KIRREL1: variants seen among roughly 807,000 people sequenced by gnomAD.
KIRREL1 encodes kirre like nephrin family adhesion molecule 1, also known as kin of IRRE-like protein 1.
Under a neutral mutation model 83.3 loss-of-function variants are expected in KIRREL1, and 25 were observed. That is an observed-to-expected ratio of 0.30 (90% CI 0.22 to 0.42). The LOEUF is 0.42. KIRREL1 is among the 10% of genes least tolerant of loss of function. The pLI is 1.00. For missense variants in KIRREL1, 812 were observed against 1,032.3 expected (o/e 0.79, Z 2.92); for synonymous variants, 388 against 410.4 (o/e 0.95, Z 0.66).
intron 1 of KIRREL1, among the ~76,000 whole-genome samples, chr1:158,003,126 AG>A (rs1659413944): frequency 6.6e-6 from 1 of 152,222 alleles, no homozygotes; most frequent in Non-Finnish European, 1.5e-5. Flanking sequence ...TCCCAGGAAC[AG>A]CCCGGGGCCT....
chr1:158,066,423 T>C (rs1443585523), intron 1 of KIRREL1, among the ~76,000 whole-genome samples: 1 of 152,226 alleles, frequency 6.6e-6, no homozygotes, highest in Admixed American at 6.5e-5. Context: ...TGCTTACTTT[T>C]CCCACAACTA....
In KIRREL1 at chr1:158,094,231, C is replaced by A. The variant is rs756679415; in HGVS notation, c.1720-82C>A. On this transcript the variant is annotated intron_variant, in intron 13 of 14. Coordinates refer to ENST00000359209, the MANE Select transcript of KIRREL1 (RefSeq NM_018240.7). The surrounding 1 kb of genome is among the most constrained non-coding windows in gnomAD (Gnocchi z 4.6). ...CAGACCCCACCCATGAGCAGGTGGC[C>A]TCTGAGCGTGGGGAGGGGTTGGTGA... 21 of 1,204,116 alleles carry A rather than the reference C, an allele frequency of 1.7e-5. No homozygotes were observed. Among genetic ancestry groups the A allele is most frequent in the Non-Finnish European group, 2.5e-5 (21 of 829,446 alleles). 74.6% of individuals were successfully genotyped at this position (1,204,116 alleles called of 1,614,324 possible).
intron 1 of KIRREL1, among the ~76,000 whole-genome samples, chr1:158,030,031 A>C (rs952103631): frequency 2.0e-4 from 31 of 152,208 alleles, no homozygotes; most frequent in African/African-American, 7.5e-4. Context: ...GGTCCTTACA[A>C]AATCCCTGTG....
intron 1 of KIRREL1, among the ~76,000 whole-genome samples, chr1:158,042,947 G>A (rs1660675350): frequency 6.6e-6 from 1 of 151,544 alleles, no homozygotes; most frequent in African/African-American, 2.4e-5. Context: ...AATTAGCCGG[G>A]CGTGGTGGCA....
Position 158,088,324 on chromosome 1 carries a change from C to G in KIRREL1, c.917-3C>G. The G allele has an allele frequency of 6.2e-7, 1 of 1,610,494 alleles. No homozygotes were observed. The highest frequency in any genetic ancestry group is 8.5e-7 in the Non-Finnish European group (1 of 1,178,268). The stretch of plus-strand genomic sequence containing the variant: ...TAACGAGTGGCTTCTTTCTCCCTCA[C>G]AGTTGCTCCCCGGATTGTAGTTGAC... On this transcript the variant is annotated splice_polypyrimidine_tract_variant and splice_region_variant and intron_variant, in intron 7 of 14. Transcript: ENST00000359209.
At chr1:158,045,984 C>G (rs1470116159) in intron 1 of KIRREL1, among the ~76,000 whole-genome samples, 1 of 152,168 alleles carries the variant, frequency 6.6e-6, no homozygotes, top group Non-Finnish European at 1.5e-5. Context: ...AATCACAGGA[C>G]TTAGGCTTTT....
chr1:158,065,156 G>A (rs1661326428), intron 1 of KIRREL1, among the ~76,000 whole-genome samples: 1 of 152,062 alleles, frequency 6.6e-6, no homozygotes. Flanking sequence ...GCTCTTTGTG[G>A]ATTTCTGAGT....
intron 7 of KIRREL1, 78 bp downstream of exon 7, chr1:158,088,232 C>T (rs1662077330): frequency 6.2e-7 from 1 of 1,606,046 alleles, no homozygotes; most frequent in Non-Finnish European, 8.5e-7. Flanking sequence ...GGGGACTGCT[C>T]CATGAATGGG....
At chr1:158,008,523 G>A (rs189918958) in intron 1 of KIRREL1, among the ~76,000 whole-genome samples, 3 of 152,242 alleles carry the variant, frequency 2.0e-5, no homozygotes, top group Admixed American at 6.5e-5. Flanking sequence ...GTCGAGAATC[G>A]CTGTGATAGG....
At position 158,095,408 on chromosome 1, in the gene KIRREL1, G is replaced by A. The variant is rs1420738784; in HGVS notation, c.*288G>A. On this transcript the variant is annotated 3_prime_UTR_variant, in exon 15 of 15. Transcript: ENST00000359209. The stretch of plus-strand genomic sequence containing the variant: ...ATGGGGACAGGGAAAGTGAAGGTTA[G>A]GGAAAGCAGAGGGGGGCACTTTTTA... The A allele has an allele frequency of 4.3e-5, 15 of 346,864 alleles. No homozygotes were observed. The highest frequency in any genetic ancestry group is 7.3e-5 in the Non-Finnish European group (14 of 191,744). 21.5% of individuals were successfully genotyped at this position (346,864 alleles called of 1,614,324 possible). A position where few individuals can be genotyped will look rare whatever the true frequency, so the allele number is the denominator to read the frequency against.
At chr1:158,083,914 G>A (rs949380909) in intron 3 of KIRREL1, among the ~76,000 whole-genome samples, 1 of 152,098 alleles carries the variant, frequency 6.6e-6, no homozygotes, top group African/African-American at 2.4e-5. Context: ...TCACCTGAGA[G>A]GTCAGGAGTT....
intron 1 of KIRREL1, among the ~76,000 whole-genome samples, chr1:158,039,545 G>A (rs1004904002): frequency 6.6e-6 from 1 of 152,174 alleles, no homozygotes; most frequent in African/African-American, 2.4e-5. Flanking sequence ...GCCGGGATGC[G>A]CCTGCACTCA....
At chr1:158,084,112 A>C (rs1661949115) in intron 3 of KIRREL1, among the ~76,000 whole-genome samples, 1 of 152,162 alleles carries the variant, frequency 6.6e-6, no homozygotes, top group South Asian at 2.1e-4. Context: ...CCTGGGCGAC[A>C]GAGTGACACT....
chr1:158,032,960 G>A (rs1330951150), intron 1 of KIRREL1, among the ~76,000 whole-genome samples: 2 of 152,100 alleles, frequency 1.3e-5, no homozygotes, highest in Non-Finnish European at 2.9e-5. Flanking sequence ...TAGTAGAGAC[G>A]CGGTTTCACC....
In KIRREL1 at chr1:158,032,875, A is replaced by G. The variant is rs534081725; in HGVS notation, c.52+39147A>G. ...AACCTCCACTTCCCGCGTTCAAGCA[A>G]TTCTCCTGTCTCAGCCTCCCGAGTA... is the stretch of plus-strand genomic sequence containing the variant. On this transcript the variant is annotated intron_variant, in intron 1 of 14. Transcript: ENST00000359209. Among the ~76,000 whole-genome samples the G allele has an allele frequency of 5.3e-5, 8 of 151,960 alleles. No homozygotes were observed. In the East Asian group the frequency reaches 1.2e-3, roughly 22 times the overall value.
chr1:158,095,551 C>T lies in KIRREL1; in HGVS notation c.*431C>T, dbSNP rs959971473. ...TGGGAGTGGGTGGCTGTGGCACAGA[C>T]AGGTGGAAAACGGGATAGCCTGGCC... On this transcript the variant is annotated 3_prime_UTR_variant, in exon 15 of 15. Transcript: ENST00000359209. 9.9e-5 allele frequency: 16 copies of T among 161,848 alleles called. No homozygotes were observed. The highest frequency in any genetic ancestry group is 2.0e-4 in the Non-Finnish European group (15 of 75,096). The allele number at this position is 161,848 out of a possible 1,614,324, so 10.0% of individuals were successfully genotyped here. A position where few individuals can be genotyped will look rare whatever the true frequency, so the allele number is the denominator to read the frequency against.
chr1:158,002,216 G>C (rs973185493), intron 1 of KIRREL1, among the ~76,000 whole-genome samples: 1 of 152,158 alleles, frequency 6.6e-6, no homozygotes, highest in Non-Finnish European at 1.5e-5. Flanking sequence ...AGAGTTCAAC[G>C]GCAGTAACTG....
intron 1 of KIRREL1, among the ~76,000 whole-genome samples, chr1:158,071,368 G>A (rs143305862): frequency 6.6e-6 from 1 of 152,324 alleles, no homozygotes; most frequent in African/African-American, 2.4e-5. Flanking sequence ...GTGAGTATGT[G>A]TGAGTGTGCG....
In KIRREL1 at chr1:158,087,829, G is replaced by A; in HGVS notation, c.736G>A (p.Ala246Thr). ...TGAGCGTGTTGTCTTTACCTGCCAG[G>A]CCACAGCCAACCCCGAGATCTTGGG... ...EGERVVFTCQ[A>T]TANPEILGYR... Residue 246 changes from alanine (A) to threonine (T), a missense_variant, in exon 6 of 15, where the codon GCC becomes ACC. Ala to Thr is a moderately conservative substitution (Grantham distance 58). This residue lies in a region of KIRREL1 where 472 missense variants were observed against 626.8 expected (regional missense o/e 0.75). Coordinates refer to ENST00000359209, the MANE Select transcript of KIRREL1 (RefSeq NM_018240.7). The A allele has an allele frequency of 6.2e-7, 1 of 1,614,038 alleles. No individual in the cohort carries two copies. Among genetic ancestry groups the A allele is most frequent in the Non-Finnish European group, 8.5e-7 (1 of 1,179,974 alleles).
Sources: allele counts gnomAD v4.1 joint callset (sites outside exome capture counted in the v4.1 genomes callset), GRCh38; gene constraint gnomAD v4.1.1; regional missense constraint gnomAD v4.1.1; non-coding constraint Gnocchi (gnomAD v3.1); transcripts MANE v1.5; gene names NCBI Gene and HGNC (gene_info 2026-07-23, HGNC 2026-07-21).